ITGA3: variants seen among roughly 807,000 people sequenced by gnomAD.
ITGA3 encodes integrin alpha-3.
ITGA3 carries 70 observed loss-of-function variants against 131.1 expected under a neutral mutation model. That is an observed-to-expected ratio of 0.53 (90% CI 0.44 to 0.65). ITGA3 has a LOEUF of 0.65. ITGA3 is among the 30% of genes least tolerant of loss of function. ITGA3 has a pLI of 0.00. For missense variants in ITGA3, 1,098 were observed against 1,388.6 expected, an observed-to-expected ratio of 0.79 and a Z score of 3.33; for synonymous variants, 537 against 571.6, an observed-to-expected ratio of 0.94 and a Z score of 0.86.
At chr17:50,063,436 G>A (rs1217301373) in intron 1 of ITGA3, 1 of 152,478 alleles carries the variant, frequency 6.6e-6, no homozygotes, top group Non-Finnish European at 1.5e-5. Context: ...GAAAAACCCA[G>A]CGTTCTGACA....
At chr17:50,088,017 A>G in intron 24 of ITGA3, 148 bp downstream of exon 24, 1 of 1,285,336 alleles carries the variant, frequency 7.8e-7, no homozygotes, top group Non-Finnish European at 1.0e-6. Flanking sequence ...CCACCAGCTT[A>G]CAGTCTCACC....
chr17:50,088,178 GC>G, intron 24 of ITGA3, 46 bp from the exon 25 acceptor site: 2 of 1,536,132 alleles, frequency 1.3e-6, no homozygotes, highest in Non-Finnish European at 1.8e-6. Context: ...GGTGAGGATA[GC>G]CCAGCGCCCC....
At chr17:50,073,859 A>T in intron 7 of ITGA3, 57 bp from the exon 8 acceptor site, 1 of 1,263,136 alleles carries the variant, frequency 7.9e-7, no homozygotes, top group Non-Finnish European at 1.2e-6. Context: ...GCAAAGAGTT[A>T]GGGAGACGTG....
At chr17:50,087,574 GA>G in intron 23 of ITGA3, 169 bp from the exon 24 acceptor site, 1 of 649,566 alleles carries the variant, frequency 1.5e-6, no homozygotes, top group Non-Finnish European at 2.6e-6. Context: ...AAGCAGGAAG[GA>G]CCACTGGACC....
chr17:50,061,169 G>A (rs563866157), intron 1 of ITGA3, among the ~76,000 whole-genome samples: 24 of 152,296 alleles, frequency 1.6e-4, no homozygotes, highest in Non-Finnish European at 2.9e-4. Context: ...CTCTGAGGAG[G>A]GAGGGGCCTG....
At position 50,089,381 on chromosome 17, in the gene ITGA3, C is replaced by G; in HGVS notation, c.*303C>G. 1 of 786,736 alleles carries G rather than the reference C, an allele frequency of 1.3e-6. No homozygotes were observed. The highest frequency in any genetic ancestry group is 2.0e-6 in the Non-Finnish European group (1 of 488,158). 48.7% of individuals were successfully genotyped at this position (786,736 alleles called of 1,614,324 possible). On this transcript the variant is annotated 3_prime_UTR_variant, in exon 26 of 26. Transcript: ENST00000320031. Reference sequence around the variant, plus strand: ...CACCTTTGGCTGGTAGCAGCAGGCTCAGGCACATACACCTCGTCAAGAGCA... The same window carrying G: ...CACCTTTGGCTGGTAGCAGCAGGCTGAGGCACATACACCTCGTCAAGAGCA...
At chr17:50,084,497 A>C (rs780838047) in intron 23 of ITGA3, among the ~76,000 whole-genome samples, 12 of 152,168 alleles carry the variant, frequency 7.9e-5, no homozygotes, top group Non-Finnish European at 1.5e-4. Context: ...AACAATCTAA[A>C]TGTCTTTCAG....
rs1344791336 is a variant in ITGA3 at position 50,064,001 on chromosome 17, G to C, written c.207-76G>C. The C allele has an allele frequency of 6.4e-7, 1 of 1,557,618 alleles. No individual in the cohort carries two copies. Among genetic ancestry groups the C allele is most frequent in the African/African-American group, 1.4e-5 (1 of 73,686 alleles). ...TGGCACCAAGAATCTGTAAATGTATGTTGAATAAATAACAAGTTGTTCCAA... is the reference window on the plus strand; with the variant it reads ...TGGCACCAAGAATCTGTAAATGTATCTTGAATAAATAACAAGTTGTTCCAA... On this transcript the variant is annotated intron_variant, in intron 1 of 25. Transcript: ENST00000320031. This position sits in a 1 kb window ranked among gnomAD's most constrained non-coding sequence, Gnocchi z 4.4.
chr17:50,066,332 T>A (rs1567697808), intron 3 of ITGA3, among the ~76,000 whole-genome samples: 1 of 143,574 alleles, frequency 7.0e-6, no homozygotes, highest in Non-Finnish European at 1.5e-5. Context: ...TTTTTTTTTT[T>A]CTCTTAGAGA....
At chr17:50,078,411 C>T in intron 18 of ITGA3, 127 bp downstream of exon 18, 2 of 659,622 alleles carry the variant, frequency 3.0e-6, no homozygotes, top group Non-Finnish European at 2.7e-6. Flanking sequence ...CCTCCACTTT[C>T]CCTGGATCAT....
At chr17:50,060,750 A>AG (rs1908039309) in intron 1 of ITGA3, among the ~76,000 whole-genome samples, 1 of 152,018 alleles carries the variant, frequency 6.6e-6, no homozygotes, top group African/African-American at 2.4e-5. Context: ...AGCTCCATCT[A>AG]GGCATCCCTC....
chr17:50,061,783 T>C (rs1236220072), intron 1 of ITGA3, among the ~76,000 whole-genome samples: 1 of 152,244 alleles, frequency 6.6e-6, no homozygotes, highest in East Asian at 1.9e-4. Flanking sequence ...CTCACGCTTG[T>C]AATCCCAGTA....
Position 50,088,302 on chromosome 17 carries a change from G to A in ITGA3, c.3123G>A (p.Pro1041=), listed in dbSNP as rs369707809. 79 of 1,587,788 alleles carry A rather than the reference G, an allele frequency of 5.0e-5. No individual in the cohort carries two copies. The highest frequency in any genetic ancestry group is 2.7e-4 in the African/African-American group (20 of 74,608). ...KRQKAEMKSQ[P]SETERLTDDY is the part of the protein sequence containing the mutation. ...AGAAGGCGGAGATGAAGAGCCAGCCGTCAGAGACAGAGAGGCTGACCGACG... is the reference window on the plus strand; with the variant it reads ...AGAAGGCGGAGATGAAGAGCCAGCCATCAGAGACAGAGAGGCTGACCGACG... Residue 1041 remains proline (P), a synonymous_variant, in exon 25 of 26, where the codon CCG becomes CCA. Transcript: ENST00000320031.
In ITGA3 at chr17:50,075,692, C is replaced by G; in HGVS notation, c.1631C>G (p.Ser544Cys). The G allele has an allele frequency of 6.2e-7, 1 of 1,614,170 alleles. No homozygotes were observed. The highest frequency in any genetic ancestry group is 2.2e-5 in the East Asian group (1 of 44,886). Residue 544 changes from serine (S) to cysteine (C), a missense_variant, in exon 12 of 26, where the codon TCC becomes TGC. Ser to Cys is a moderately radical substitution (Grantham distance 112, BLOSUM62 -1). Transcript: ENST00000320031. Reference protein sequence around the residue: ...SESAVFHGFFSMPEMRCQKLE... With the variant: ...SESAVFHGFFCMPEMRCQKLE... ...TCCGCTGTCTTCCACGGCTTCTTCT[C>G]CATGCCCGAGATGCGCTGCCAGAAG...
Position 50,067,990 on chromosome 17 carries a change from T to C in ITGA3, c.415-66T>C, listed in dbSNP as rs938402107. The stretch of plus-strand genomic sequence containing the variant: ...TTGGCAAAGCCAGAGGCTTACAGGG[T>C]AAAAGAGACAGCTGACCCGGGTCCC... On this transcript the variant is annotated intron_variant, in intron 3 of 25. Transcript: ENST00000320031. The C allele has an allele frequency of 3.8e-6, 6 of 1,597,396 alleles. No homozygotes were observed. The African/African-American group carries it at 5.4e-5, about 14-fold the overall frequency.
At position 50,064,421 on chromosome 17, in the gene ITGA3, C is replaced by T; in HGVS notation, c.335-107C>T. ...TGGAGAAGGGGAGTTGGGAGGGCTG[C>T]CCTGTGGGTGGAGGGCCCAAGCGGG... On this transcript the variant is annotated intron_variant, in intron 2 of 25. Coordinates refer to ENST00000320031, the MANE Select transcript of ITGA3 (RefSeq NM_002204.4). This position sits in a 1 kb window ranked among gnomAD's most constrained non-coding sequence, Gnocchi z 4.4. The T allele has an allele frequency of 8.3e-7, 1 of 1,208,434 alleles. No homozygotes were observed. Among genetic ancestry groups the T allele is most frequent in the Non-Finnish European group, 1.2e-6 (1 of 857,872 alleles). The allele number at this position is 1,208,434 out of a possible 1,614,324, so 74.9% of individuals were successfully genotyped here.
chr17:50,070,644 C>CAAAAAA (rs59600840), intron 4 of ITGA3, among the ~76,000 whole-genome samples, 200 bp from the exon 5 acceptor site: 108 of 69,400 alleles, frequency 1.6e-3, no homozygotes, highest in African/African-American at 3.4e-3. Context: ...AAGACTGTCT[C>CAAAAAA]AAAAAAAAAA....
chr17:50,085,805 CATTATAGATTTATAAT>C (rs1909365528), intron 23 of ITGA3, among the ~76,000 whole-genome samples: 1 of 42,730 alleles, frequency 2.3e-5, no homozygotes, highest in Non-Finnish European at 7.0e-5. Flanking sequence ...TTAGATTATA[CATTATAGATTTATAAT>C]GTATATTAGA....
At position 50,064,795 on chromosome 17, in the gene ITGA3, G is replaced by C; in HGVS notation, c.414+188G>C. ...CTCCTGGGGAGGGGGTGAGTATCCT[G>C]TGCTCTCCCAAACCCCCGCACGGCC... On this transcript the variant is annotated intron_variant, in intron 3 of 25. Coordinates refer to ENST00000320031, the MANE Select transcript of ITGA3 (RefSeq NM_002204.4). This position sits in a 1 kb window ranked among gnomAD's most constrained non-coding sequence, Gnocchi z 4.4. 1 of 557,610 alleles carries C rather than the reference G, an allele frequency of 1.8e-6. No individual in the cohort carries two copies. Among genetic ancestry groups the C allele is most frequent in the Non-Finnish European group, 3.2e-6 (1 of 315,750 alleles). 34.5% of individuals were successfully genotyped at this position (557,610 alleles called of 1,614,324 possible).
Sources: gnomAD v4.1 joint callset for allele counts (sites outside exome capture counted in the v4.1 genomes callset) on GRCh38, gnomAD v4.1.1 for gene constraint, Gnocchi (gnomAD v3.1) non-coding constraint, MANE v1.5 for transcripts, NCBI Gene and HGNC (gene_info 2026-07-23, HGNC 2026-07-21) for gene names.